Variants in DNAH12 observed in about 807,000 individuals in gnomAD.
DNAH12 encodes the protein axonemal beta dynein heavy chain 12.
A neutral mutation model predicts 371.5 loss-of-function variants in DNAH12; 285 were observed. The ratio of observed to expected loss-of-function variants is 0.77; its 90% CI spans 0.70 to 0.85. DNAH12 has a LOEUF of 0.85. DNAH12 is among the 40% of genes least tolerant of loss of function. The pLI is 0.00. For synonymous variants in DNAH12, 1,200 were observed against 1,213.0 expected, an observed-to-expected ratio of 0.99 and a Z score of 0.22; for missense variants, 3,611 against 3,689.4, an observed-to-expected ratio of 0.98 and a Z score of 0.55.
At chr3:57,384,044 C>T (rs2063451940) in intron 49 of DNAH12, among the ~76,000 whole-genome samples, 1 of 152,112 alleles carries the variant, frequency 6.6e-6, no homozygotes, top group Non-Finnish European at 1.5e-5. Flanking sequence ...GACCTGAATA[C>T]ACTGTTGACT....
At chr3:57,476,262 A>G (rs1329268079) in intron 13 of DNAH12, among the ~76,000 whole-genome samples, 2 of 152,160 alleles carry the variant, frequency 1.3e-5, no homozygotes, top group African/African-American at 4.8e-5. Context: ...ACAAGGAAGT[A>G]ATCACTATAA....
At chr3:57,522,230 A>T (rs997053971) in intron 4 of DNAH12, among the ~76,000 whole-genome samples, 1 of 152,082 alleles carries the variant, frequency 6.6e-6, no homozygotes, top group East Asian at 1.9e-4. Flanking sequence ...TTTCAAAAAA[A>T]AAAAATAAAT....
intron 47 of DNAH12, among the ~76,000 whole-genome samples, chr3:57,386,062 A>T (rs1242178895): frequency 6.6e-6 from 1 of 152,092 alleles, no homozygotes; most frequent in Non-Finnish European, 1.5e-5. Flanking sequence ...AACTAACACT[A>T]GTAAGTATTA....
chr3:57,329,365 T>G (rs2062033911), intron 62 of DNAH12, among the ~76,000 whole-genome samples: 1 of 122,930 alleles, frequency 8.1e-6, no homozygotes. Flanking sequence ...AAAACAGAGA[T>G]ATAGATCAAT....
intron 2 of DNAH12, among the ~76,000 whole-genome samples, chr3:57,539,615 C>CTTT (rs11359818): frequency 2.8e-4 from 36 of 128,808 alleles, no homozygotes; most frequent in Non-Finnish European, 3.6e-4. Flanking sequence ...TTTCCTTTTC[C>CTTT]TTTTTTTTTT....
At chr3:57,545,389 C>T (rs2069489659), upstream of DNAH12, among the ~76,000 whole-genome samples, 1 of 151,192 alleles carries the variant, frequency 6.6e-6, no homozygotes, top group South Asian at 2.1e-4. Flanking sequence ...GAACTCCTGA[C>T]CTCAGGTCAT....
intron 65 of DNAH12, among the ~76,000 whole-genome samples, chr3:57,321,028 A>G (rs2061793958): frequency 6.6e-6 from 1 of 152,194 alleles, no homozygotes; most frequent in African/African-American, 2.4e-5. Flanking sequence ...TGTAATACCC[A>G]AGGAGTGAGA....
rs201999278 is a variant in DNAH12 at position 57,483,620 on chromosome 3, A to AC, written c.1515-110_1515-109insG. ...AAAATAAGAACTATGATATCCTAAAAAAATTGCTTGATTCACTAAGGTATC... is the reference window on the plus strand; with the variant it reads ...AAAATAAGAACTATGATATCCTAAAACAAATTGCTTGATTCACTAAGGTATC... On this transcript the variant is annotated intron_variant, in intron 12 of 73. Transcript: ENST00000495027. The AC allele has an allele frequency of 4.8e-3, 5,975 of 1,238,470 alleles. 212 individuals carry two copies. The African/African-American group carries it at 0.099, about 20-fold the overall frequency. 76.7% of individuals were successfully genotyped at this position (1,238,470 alleles called of 1,614,324 possible). A position where few individuals can be genotyped will look rare whatever the true frequency, so the allele number is the denominator to read the frequency against.
At chr3:57,424,007 G>C (rs1005908137) in intron 35 of DNAH12, among the ~76,000 whole-genome samples, 2 of 151,792 alleles carry the variant, frequency 1.3e-5, no homozygotes, top group African/African-American at 4.8e-5. Flanking sequence ...CCAAAGTTTT[G>C]GGATTACAGG....
At chr3:57,533,128 T>C (rs980541470) in intron 2 of DNAH12, among the ~76,000 whole-genome samples, 4 of 152,126 alleles carry the variant, frequency 2.6e-5, no homozygotes, top group African/African-American at 9.6e-5. Flanking sequence ...CACAGGCCCA[T>C]ATGGATCACT....
chr3:57,546,303 T>A (rs901850360), upstream of DNAH12, among the ~76,000 whole-genome samples: 11 of 152,142 alleles, frequency 7.2e-5, no homozygotes, highest in Non-Finnish European at 1.6e-4. Context: ...AACTAACCTT[T>A]GGGTCTGCGC....
chr3:57,501,170 A>G (rs2067529056), intron 11 of DNAH12, 151 bp downstream of exon 11: 1 of 613,458 alleles, frequency 1.6e-6, no homozygotes. Context: ...TAAATGAATG[A>G]CTAAAGAAAT....
At position 57,428,740 on chromosome 3, in the gene DNAH12, T is replaced by C. The variant is rs1162424484; in HGVS notation, c.5146A>G (p.Asn1716Asp). ...GWEPLVSSWLNSLKGPLCEPE... is the reference protein window; with the variant it reads ...GWEPLVSSWLDSLKGPLCEPE... Reference sequence around the variant, plus strand: ...TCACACAGAGGTCCTTTCAGTGAATTCAACCAAGAAGACACAAGTGGTTCC... The same window carrying C: ...TCACACAGAGGTCCTTTCAGTGAATCCAACCAAGAAGACACAAGTGGTTCC... Residue 1716 changes from asparagine (N) to aspartate (D), a missense_variant, in exon 34 of 74, where the codon AAT (asparagine) becomes GAT (aspartate). This residue lies in a region of DNAH12 where 2,266 missense variants were observed against 2,236.9 expected (regional missense o/e 1.01). Transcript: ENST00000495027. The C allele has an allele frequency of 4.5e-6, 7 of 1,551,484 alleles. No individual in the cohort carries two copies. The highest frequency in any genetic ancestry group is 5.2e-6 in the Non-Finnish European group (6 of 1,146,960).
chr3:57,550,205 C>A, the DNAH12 span, among the ~76,000 whole-genome samples: 1 of 152,006 alleles, frequency 6.6e-6, no homozygotes, highest in Non-Finnish European at 1.5e-5. Flanking sequence ...GTCCTAACCA[C>A]CTGGGAGACT....
Position 57,334,529 on chromosome 3 carries a change from G to A in DNAH12, c.9914C>T (p.Pro3305Leu). 6.4e-7 allele frequency: 1 copy of A among 1,550,922 alleles called. No homozygotes were observed. The highest frequency in any genetic ancestry group is 8.7e-7 in the Non-Finnish European group (1 of 1,146,858). ...TAGTTCATTTAGGTTCTTATCCATT[G>A]GTGCTGGAAATTTAGCATTATGTGG... ...KEPHNAKFPA[P>L]MDKNLNELQK... Residue 3305 changes from proline to leucine, a missense_variant, in exon 62 of 74, where the codon CCA becomes CTA. This residue lies in a region of DNAH12 where 2,266 missense variants were observed against 2,236.9 expected (regional missense o/e 1.01). Transcript: ENST00000495027.
At chr3:57,354,871 C>G (rs1209557271) in intron 59 of DNAH12, among the ~76,000 whole-genome samples, 2 of 152,120 alleles carry the variant, frequency 1.3e-5, no homozygotes, top group Non-Finnish European at 2.9e-5. Context: ...AAGCCAATCT[C>G]AAAACATTAC....
At chr3:57,445,881 G>A (rs542017627) in intron 27 of DNAH12, 150 bp downstream of exon 27, 8 of 645,332 alleles carry the variant, frequency 1.2e-5, no homozygotes, top group East Asian at 3.8e-5. Context: ...CCAGCTACTC[G>A]GGAGACTGAG....
intron 4 of DNAH12, among the ~76,000 whole-genome samples, chr3:57,522,837 GT>G (rs939665550): frequency 1.3e-5 from 2 of 150,134 alleles, no homozygotes; most frequent in African/African-American, 4.9e-5. Flanking sequence ...TGCAGTCAGT[GT>G]CTTTTTTTTT....
At chr3:57,318,844 T>C (rs1356445008) in intron 65 of DNAH12, among the ~76,000 whole-genome samples, 3 of 152,114 alleles carry the variant, frequency 2.0e-5, no homozygotes, top group African/African-American at 7.2e-5. Flanking sequence ...AGCTTTGTTT[T>C]TTCTCAACAT....
Sources: allele counts gnomAD v4.1 joint callset (sites outside exome capture counted in the v4.1 genomes callset), GRCh38; gene constraint gnomAD v4.1.1; regional missense constraint gnomAD v4.1.1; transcripts MANE v1.5; gene names NCBI Gene and HGNC (gene_info 2026-07-23, HGNC 2026-07-21).